FSIP2: variants seen among roughly 807,000 people sequenced by gnomAD.
The protein encoded by FSIP2 is fibrous sheath interacting protein 2, also known as fibrous sheath-interacting protein 2.
A neutral mutation model predicts 510.5 loss-of-function variants in FSIP2; 367 were observed. The observed-to-expected ratio is 0.72, with a 90% confidence interval of 0.66 to 0.78. The LOEUF (loss-of-function observed/expected upper bound fraction) is 0.78. Among genes scored for constraint, FSIP2 ranks in the 30% least tolerant of loss-of-function variants. The pLI, the probability that FSIP2 is intolerant of heterozygous loss-of-function variation, is 0.00. For synonymous variants in FSIP2, 2,601 were observed against 2,732.2 expected, an observed-to-expected ratio of 0.95 and a Z score of 1.50; for missense variants, 7,594 against 7,901.7, an observed-to-expected ratio of 0.96 and a Z score of 1.48.
At position 185,797,270 on chromosome 2, in the gene FSIP2, A is replaced by T; in HGVS notation, c.10134A>T (p.Glu3378Asp). Reference sequence around the variant, plus strand: ...TATCTGGAGGGCAAAAGGATAACGAAAAAAGTTTGCTTAGAATGCAGGATA... The same window carrying T: ...TATCTGGAGGGCAAAAGGATAACGATAAAAGTTTGCTTAGAATGCAGGATA... ...SEVSGGQKDNEKSLLRMQDKK... is the reference protein window; with the variant it reads ...SEVSGGQKDNDKSLLRMQDKK... The change falls in exon 16 of 23, where the codon GAA becomes GAT. Residue 3378 changes from glutamate to aspartate, a missense_variant. Glu to Asp is a conservative substitution (Grantham distance 45). Transcript: ENST00000424728. 1 of 1,534,484 alleles carries T rather than the reference A, an allele frequency of 6.5e-7. No individual in the cohort carries two copies. The highest frequency in any genetic ancestry group is 8.7e-7 in the Non-Finnish European group (1 of 1,146,108).
At chr2:185,737,775 A>C (rs1290687952), upstream of FSIP2, among the ~76,000 whole-genome samples, 1 of 152,162 alleles carries the variant, frequency 6.6e-6, no homozygotes, top group African/African-American at 2.4e-5. Context: ...AGCTGGCAAT[A>C]GACTATATCC....
In FSIP2 at chr2:185,813,947, C is replaced by A; in HGVS notation, c.20230C>A (p.His6744Asn). The change falls in exon 18 of 23, where the codon CAT becomes AAT. Residue 6744 changes from histidine (H) to asparagine (N), a missense_variant. His to Asn is a moderately conservative substitution (Grantham distance 68). Transcript: ENST00000424728. Reference sequence around the variant, plus strand: ...TCAGGTAATAGAATCCAAGGAGACACATGTTAAAAGAGCTGTTGCTGAGCT... The same window carrying A: ...TCAGGTAATAGAATCCAAGGAGACAAATGTTAAAAGAGCTGTTGCTGAGCT... Reference protein sequence around the residue: ...SNQVIESKETHVKRAVAELDM... With the variant: ...SNQVIESKETNVKRAVAELDM... 6.2e-7 allele frequency: 1 copy of A among 1,613,468 alleles called. No homozygotes were observed. Among genetic ancestry groups the A allele is most frequent in the South Asian group, 1.1e-5 (1 of 91,062 alleles).
In FSIP2 at chr2:185,742,950, A is replaced by C. The variant is rs1481764895; in HGVS notation, c.226-183A>C. ...GGTGAGTCTTTGGGATAATTTATGCAGGTGAGGAGAGAGGAAAGGAAAGGC... is the reference window on the plus strand; with the variant it reads ...GGTGAGTCTTTGGGATAATTTATGCCGGTGAGGAGAGAGGAAAGGAAAGGC... On this transcript the variant is annotated intron_variant, in intron 2 of 22. Transcript: ENST00000424728. Among the ~76,000 whole-genome samples the C allele has an allele frequency of 3.3e-5, 5 of 152,294 alleles. No individual in the cohort carries two copies. The East Asian group carries it at 9.6e-4, about 29-fold the overall frequency.
Position 185,795,480 on chromosome 2 carries a change from TTA to T in FSIP2, c.8348_8349del (p.Tyr2783CysfsTer4), listed in dbSNP as rs1180745947. 2 of 1,534,832 alleles carry T rather than the reference TTA, an allele frequency of 1.3e-6. No individual in the cohort carries two copies. The highest frequency in any genetic ancestry group is 1.2e-5 in the South Asian group (1 of 84,018). On this transcript the variant is annotated frameshift_variant, in exon 16 of 23. Coordinates refer to ENST00000424728, the MANE Select transcript of FSIP2 (RefSeq NM_173651.4). LOFTEE classifies it high-confidence loss of function. ...GKIVNTVLQE[L>X]YVTNNCNLAY... ...AATAGTTAATACAGTTTTGCAAGAA[TTA>T]TATGTTACCAATAACTGCAATTTGG...
intron 18 of FSIP2, among the ~76,000 whole-genome samples, chr2:185,814,574 G>T (rs1012845165): frequency 6.6e-6 from 1 of 151,958 alleles, no homozygotes. Flanking sequence ...CTTACAATTA[G>T]CCCATAAACT....
At chr2:185,823,474 A>G (rs2105682270) in intron 19 of FSIP2, among the ~76,000 whole-genome samples, 1 of 151,780 alleles carries the variant, frequency 6.6e-6, no homozygotes, top group South Asian at 2.1e-4. Context: ...CATTTCCCTA[A>G]TCATTAGGGA....
Position 185,802,344 on chromosome 2 carries a change from C to T in FSIP2, c.13038C>T (p.Phe4346=). The T allele has an allele frequency of 6.5e-7, 1 of 1,533,166 alleles. No individual in the cohort carries two copies. Among genetic ancestry groups the T allele is most frequent in the East Asian group, 2.4e-5 (1 of 40,828 alleles). The allele number at this position is 1,533,166 out of a possible 1,614,324, so 95.0% of individuals were successfully genotyped here. The change falls in exon 17 of 23, where the codon TTC becomes TTT. Residue 4346 remains phenylalanine (F), a synonymous_variant. Coordinates refer to ENST00000424728, the MANE Select transcript of FSIP2 (RefSeq NM_173651.4). ...QRIVNSINRH[F]NKAKIHILYD... is the part of the protein sequence containing the mutation. ...TAGTAAACTCCATAAATAGGCATTTCAATAAAGCTAAAATTCACATTCTCT... is the reference window on the plus strand; with the variant it reads ...TAGTAAACTCCATAAATAGGCATTTTAATAAAGCTAAAATTCACATTCTCT...
At chr2:185,753,055 T>C (rs1470091980) in intron 7 of FSIP2, among the ~76,000 whole-genome samples, 1 of 151,294 alleles carries the variant, frequency 6.6e-6, no homozygotes, top group African/African-American at 2.4e-5. Context: ...AGATCCATCT[T>C]AGTACTCTAC....
At chr2:185,774,652 A>G (rs557540424) in intron 13 of FSIP2, among the ~76,000 whole-genome samples, 2 of 147,426 alleles carry the variant, frequency 1.4e-5, no homozygotes, top group African/African-American at 5.0e-5. Flanking sequence ...ACATACGTAT[A>G]CATGTGCCAT....
chr2:185,788,573 C>A, intron 15 of FSIP2, 70 bp from the exon 16 acceptor site: 1 of 1,071,956 alleles, frequency 9.3e-7, no homozygotes, highest in Non-Finnish European at 1.3e-6. Flanking sequence ...TAAATGTTAC[C>A]TTCTGTCTCC....
intron 18 of FSIP2, 23 bp downstream of exon 18, chr2:185,814,065 A>C: frequency 6.3e-7 from 1 of 1,585,148 alleles, no homozygotes; most frequent in South Asian, 1.2e-5. Context: ...CATGACTGTT[A>C]GTGACTAGAA....
chr2:185,829,964 T>C (rs940297447), intron 21 of FSIP2, among the ~76,000 whole-genome samples: 1 of 151,888 alleles, frequency 6.6e-6, no homozygotes, highest in African/African-American at 2.4e-5. Flanking sequence ...TGAAGTTACA[T>C]AGACAAAAGT....
At chr2:185,773,640 A>G (rs1413554124) in intron 13 of FSIP2, among the ~76,000 whole-genome samples, 1 of 152,214 alleles carries the variant, frequency 6.6e-6, no homozygotes, top group Non-Finnish European at 1.5e-5. Context: ...TTAATCTCAG[A>G]TAATGAGTTA....
rs547342423 is a variant in FSIP2, at chr2:185,806,243, A to G, written c.16937A>G (p.Glu5646Gly). ...RNLGTTTDTLEIRIRTSSNEG... is the reference protein window; with the variant it reads ...RNLGTTTDTLGIRIRTSSNEG... ...CTAGGGACTACAACAGATACTTTGG[A>G]AATAAGAATTCGAACATCAAGCAAT... is the stretch of plus-strand genomic sequence containing the variant. The change falls in exon 17 of 23, where the codon GAA becomes GGA. Residue 5646 changes from glutamate to glycine, a missense_variant. Coordinates refer to ENST00000424728, the MANE Select transcript of FSIP2 (RefSeq NM_173651.4). The G allele has an allele frequency of 1.9e-6, 3 of 1,610,186 alleles. No homozygotes were observed. Among genetic ancestry groups the G allele is most frequent in the Non-Finnish European group, 2.5e-6 (3 of 1,178,002 alleles).
chr2:185,828,122 G>A (rs888396784), intron 20 of FSIP2, 34 bp from the exon 21 acceptor site: 5 of 1,221,912 alleles, frequency 4.1e-6, no homozygotes, highest in Non-Finnish European at 6.0e-6. Flanking sequence ...CTCAGAAAGA[G>A]ACTATTTTAC....
At chr2:185,741,120 T>C (rs1181757946) in intron 2 of FSIP2, among the ~76,000 whole-genome samples, 1 of 152,174 alleles carries the variant, frequency 6.6e-6, no homozygotes. Context: ...AATTCCTCTT[T>C]AGTGCATAAA....
chr2:185,738,660 G>A (rs1040367662), upstream of FSIP2: 19 of 1,535,942 alleles, frequency 1.2e-5, no homozygotes, highest in Non-Finnish European at 1.5e-5. Flanking sequence ...CTCAGATCAG[G>A]CCTCTCGGAC....
Position 185,804,815 on chromosome 2 carries a change from T to G in FSIP2, c.15509T>G (p.Ile5170Ser). The G allele has an allele frequency of 6.5e-7, 1 of 1,532,892 alleles. No individual in the cohort carries two copies. Among genetic ancestry groups the G allele is most frequent in the Non-Finnish European group, 8.7e-7 (1 of 1,144,862 alleles). 95.0% of individuals were successfully genotyped at this position (1,532,892 alleles called of 1,614,324 possible). A position where few individuals can be genotyped will look rare whatever the true frequency, so the allele number is the denominator to read the frequency against. Residue 5170 changes from isoleucine to serine, a missense_variant, in exon 17 of 23, where the codon ATT becomes AGT. Physicochemically the swap from Ile to Ser is moderately radical, Grantham distance 142. Transcript: ENST00000424728. ...ATAAAAGAAATTTCTGAACATGAGA[T>G]TCGACTTTCCATGGCAGAGGATAAT... ...EIIKEISEHE[I>S]RLSMAEDNAE...
At chr2:185,768,829 G>A (rs1015031309) in intron 13 of FSIP2, among the ~76,000 whole-genome samples, 2 of 151,750 alleles carry the variant, frequency 1.3e-5, no homozygotes, top group African/African-American at 4.8e-5. Flanking sequence ...TCCCCTCTTC[G>A]AGTCCATGTT....
Sources: allele counts gnomAD v4.1 joint callset (sites outside exome capture counted in the v4.1 genomes callset), GRCh38; gene constraint gnomAD v4.1.1; transcripts MANE v1.5; gene names NCBI Gene and HGNC (gene_info 2026-07-23, HGNC 2026-07-21).